Variants in NEBL observed in about 807,000 individuals in gnomAD.
NEBL encodes LIM and SH3 protein 2.
NEBL carries 122 observed loss-of-function variants against 140.2 expected under a neutral mutation model. The observed-to-expected ratio is 0.87, with a 90% confidence interval of 0.75 to 1.01. The LOEUF (loss-of-function observed/expected upper bound fraction) is 1.01. NEBL is among the 50% of genes least tolerant of loss of function. The pLI, the probability that NEBL is intolerant of heterozygous loss-of-function variation, is 0.00. For missense variants in NEBL, 1,365 were observed against 1,231.3 expected (o/e 1.11, Z -1.62); for synonymous variants, 436 against 398.9 (o/e 1.09, Z -1.11).
chr10:20,804,280 C>A (rs1350373125), intron 26 of NEBL: 1 of 152,146 alleles, frequency 6.6e-6, no homozygotes, highest in Non-Finnish European at 1.5e-5. Context: ...CATCTGAGCA[C>A]TGGACATTCA....
intron 12 of NEBL, among the ~76,000 whole-genome samples, chr10:20,842,500 T>G (rs1386662933): frequency 6.6e-6 from 1 of 152,094 alleles, no homozygotes; most frequent in South Asian, 2.1e-4. Context: ...ATGCTTACAC[T>G]TACAAAGGGA....
rs754453612 is a variant in NEBL, at chr10:21,149,207, G to T, written c.164+23176C>A. 2.3e-4 allele frequency among the ~76,000 whole-genome samples: 35 copies of T among 152,202 alleles called. 1 individual carries two copies. The highest frequency in any genetic ancestry group is 4.6e-4 in the Non-Finnish European group (31 of 68,046). The stretch of plus-strand genomic sequence containing the variant: ...AACTTCGGGGCAGCTGTTCCTGGAG[G>T]GGGTGCAGCAGGGGAGGGCAGGGAA... On this transcript the variant is annotated intron_variant, in intron 2 of 6. Transcript: ENST00000417816.
Position 21,147,970 on chromosome 10 carries a change from G to GA in NEBL, c.164+24412dup, listed in dbSNP as rs1006087276. Among the ~76,000 whole-genome samples, 5 of 152,244 alleles carry GA rather than the reference G, an allele frequency of 3.3e-5. No individual in the cohort carries two copies. In the South Asian group the frequency reaches 1.0e-3, roughly 32 times the overall value. ...GGCAGTGATGATACAATAATGTCCAGAAAAAATAACGGAACTCTTCGTTAT... is the reference window on the plus strand; with the variant it reads ...GGCAGTGATGATACAATAATGTCCAGAAAAAAATAACGGAACTCTTCGTTAT... On this transcript the variant is annotated intron_variant, in intron 2 of 6. Transcript: ENST00000417816.
At chr10:21,162,661 A>G (rs1440038836) in intron 2 of NEBL, among the ~76,000 whole-genome samples, 1 of 152,198 alleles carries the variant, frequency 6.6e-6, no homozygotes, top group African/African-American at 2.4e-5. Context: ...CTATGGTCCA[A>G]TTTCAGCAGG....
At position 21,173,838 on chromosome 10, in the gene NEBL, G is replaced by A. The variant is rs1276769904; in HGVS notation, c.-5C>T. ...ACGGGCGCACTGGGGGTTCATGATC[G>A]CGGTTCCCGGGGGCGGCGGCGGCGG... is the stretch of plus-strand genomic sequence containing the variant. On this transcript the variant is annotated 5_prime_UTR_variant, in exon 1 of 7. Transcript: ENST00000417816. The surrounding 1 kb of genome is among the most constrained non-coding windows in gnomAD (Gnocchi z 5.7). 6.2e-7 allele frequency: 1 copy of A among 1,611,280 alleles called. No homozygotes were observed. Among genetic ancestry groups the A allele is most frequent in the Non-Finnish European group, 8.5e-7 (1 of 1,179,540 alleles).
At chr10:20,935,411 G>A (rs979513353) in intron 4 of NEBL, among the ~76,000 whole-genome samples, 7 of 152,226 alleles carry the variant, frequency 4.6e-5, no homozygotes, top group African/African-American at 9.6e-5. Context: ...TCTCTTCATC[G>A]AATTCACTAA....
At chr10:21,112,495 T>A (rs868038989) in intron 2 of NEBL, among the ~76,000 whole-genome samples, 29 of 140,082 alleles carry the variant, frequency 2.1e-4, no homozygotes, top group Admixed American at 2.4e-4. Context: ...AAGGACAGAA[T>A]ACCAAACACC....
rs114319873 is a variant in NEBL, at chr10:21,270,926, C to T, written n.183-19098G>A. Among the ~76,000 whole-genome samples the T allele has an allele frequency of 6.3e-3, 964 of 152,244 alleles. 6 individuals carry two copies. The highest frequency in any genetic ancestry group is 0.022 in the African/African-American group (914 of 41,524). On this transcript the variant is annotated intron_variant and non_coding_transcript_variant, in intron 1 of 8. Coordinates refer to the NEBL transcript ENST00000675702. The stretch of plus-strand genomic sequence containing the variant: ...GATCTCCTCATCTCTGTTGGTGAGA[C>T]TGTAAATTGGTACAGCCATTATGGA...
At chr10:21,082,231 G>A (rs1836399086) in intron 2 of NEBL, among the ~76,000 whole-genome samples, 1 of 152,114 alleles carries the variant, frequency 6.6e-6, no homozygotes, top group Non-Finnish European at 1.5e-5. Context: ...TGATGATTGA[G>A]TACAAGGCAT....
chr10:21,125,779 T>G, intron 2 of NEBL: 1 of 1,437,390 alleles, frequency 7.0e-7, no homozygotes, highest in Admixed American at 1.9e-5. Context: ...TCATTTAAAA[T>G]TTTATTGTAT....
chr10:20,887,577 C>T lies in NEBL; in HGVS notation c.369+520G>A, dbSNP rs114890394. Among the ~76,000 whole-genome samples the T allele has an allele frequency of 2.2e-3, 329 of 152,068 alleles. 1 individual carries two copies. Among genetic ancestry groups the T allele is most frequent in the African/African-American group, 7.7e-3 (318 of 41,492 alleles). On this transcript the variant is annotated intron_variant, in intron 4 of 27. Transcript: ENST00000377122. ...GGCACCACAGGTGCATGCCAACAAA[C>T]GGCTAATTTTTGTATTTTTGGTAGA...
At chr10:21,004,645 G>A (rs560145903) in intron 3 of NEBL, among the ~76,000 whole-genome samples, 4 of 152,178 alleles carry the variant, frequency 2.6e-5, no homozygotes, top group Admixed American at 6.5e-5. Flanking sequence ...GTGTGAACCC[G>A]GGAGGTGGAG....
At position 21,033,753 on chromosome 10, in the gene NEBL, A is replaced by G. The variant is rs75065776; in HGVS notation, c.165-13552T>C. Among the ~76,000 whole-genome samples, 22 of 147,054 alleles carry G rather than the reference A, an allele frequency of 1.5e-4. 2 individuals are homozygous for G. Among genetic ancestry groups the G allele is most frequent in the Admixed American group, 2.7e-4 (4 of 14,812 alleles). Reference sequence around the variant, plus strand: ...AGACTTTGTCTCCGAAAAAAAAAAAAAAAGAAAGAAAAGAAAAGAAAATTG... The same window carrying G: ...AGACTTTGTCTCCGAAAAAAAAAAAGAAAGAAAGAAAAGAAAAGAAAATTG... On this transcript the variant is annotated intron_variant, in intron 2 of 6. Transcript: ENST00000417816.
chr10:20,814,429 C>A (rs1838495322), intron 22 of NEBL, among the ~76,000 whole-genome samples: 1 of 151,308 alleles, frequency 6.6e-6, no homozygotes, highest in African/African-American at 2.4e-5. Context: ...AACCCCCCAT[C>A]TCTACAGGTA....
At chr10:20,937,801 C>T (rs915522665) in intron 4 of NEBL, among the ~76,000 whole-genome samples, 1 of 152,204 alleles carries the variant, frequency 6.6e-6, no homozygotes, top group African/African-American at 2.4e-5. Context: ...TATCCTGTGC[C>T]TGGCTCAGAG....
chr10:21,070,568 G>C (rs1174087117), intron 2 of NEBL, among the ~76,000 whole-genome samples: 1 of 151,856 alleles, frequency 6.6e-6, no homozygotes, highest in Non-Finnish European at 1.5e-5. Flanking sequence ...AGTCTCCAAA[G>C]GACAGATAAC....
At chr10:20,885,784 C>T (rs537283679) in intron 4 of NEBL, among the ~76,000 whole-genome samples, 1 of 152,254 alleles carries the variant, frequency 6.6e-6, no homozygotes, top group African/African-American at 2.4e-5. Context: ...TAATTATCTG[C>T]TTTTTAAAGT....
At chr10:21,135,830 C>T (rs548378812) in intron 2 of NEBL, among the ~76,000 whole-genome samples, 5 of 152,220 alleles carry the variant, frequency 3.3e-5, no homozygotes, top group Admixed American at 6.5e-5. Flanking sequence ...CTTGGCTCTC[C>T]GTGCAGCTGG....
intron 4 of NEBL, among the ~76,000 whole-genome samples, chr10:20,951,175 T>C (rs1471565370): frequency 6.6e-6 from 1 of 152,092 alleles, no homozygotes; most frequent in Non-Finnish European, 1.5e-5. Context: ...AAATCAAAAA[T>C]ATAAAGAAGC....
Sources: allele counts gnomAD v4.1 joint callset (sites outside exome capture counted in the v4.1 genomes callset), GRCh38; gene constraint gnomAD v4.1.1; non-coding constraint Gnocchi (gnomAD v3.1); transcripts MANE v1.5; gene names NCBI Gene and HGNC (gene_info 2026-07-23, HGNC 2026-07-21).